Variants in PTPRM observed in about 807,000 individuals in gnomAD.
PTPRM encodes the protein receptor-type tyrosine-protein phosphatase mu.
PTPRM carries 47 observed loss-of-function variants against 186.7 expected under a neutral mutation model. That is an observed-to-expected ratio of 0.25 (90% CI 0.20 to 0.32). The LOEUF (loss-of-function observed/expected upper bound fraction) is 0.32, where lower values mean the gene tolerates loss of function less well. Among genes scored for constraint, PTPRM ranks in the 10% least tolerant of loss-of-function variants. The pLI, the probability that PTPRM is intolerant of heterozygous loss-of-function variation, is 1.00. For missense variants in PTPRM, 1,494 were observed against 1,865.0 expected, an observed-to-expected ratio of 0.80 and a Z score of 3.66; for synonymous variants, 668 against 674.9, an observed-to-expected ratio of 0.99 and a Z score of 0.16.
At chr18:7,828,824 G>A (rs1037007098) in intron 2 of PTPRM, among the ~76,000 whole-genome samples, 4 of 152,112 alleles carry the variant, frequency 2.6e-5, no homozygotes, top group African/African-American at 9.7e-5. Flanking sequence ...TATATTTAGT[G>A]TTCTTGTAAA....
intron 1 of PTPRM, among the ~76,000 whole-genome samples, chr18:7,688,901 G>A (rs2039671063): frequency 6.6e-6 from 1 of 152,158 alleles, no homozygotes; most frequent in African/African-American, 2.4e-5. Flanking sequence ...TGCCTCTCTA[G>A]TGCTGGAAGA....
intron 14 of PTPRM, among the ~76,000 whole-genome samples, chr18:8,238,758 G>T (rs1202315678): frequency 3.4e-5 from 5 of 147,748 alleles, no homozygotes; most frequent in African/African-American, 1.2e-4. Context: ...TGTAAGGTGT[G>T]GGGGGAGGGG....
intron 14 of PTPRM, among the ~76,000 whole-genome samples, chr18:8,189,693 A>T (rs1204508629): frequency 6.6e-6 from 1 of 152,180 alleles, no homozygotes; most frequent in Non-Finnish European, 1.5e-5. Flanking sequence ...CACTGCCCAC[A>T]GGTCTCCCTC....
At chr18:7,925,294 T>C (rs370644098) in intron 4 of PTPRM, among the ~76,000 whole-genome samples, 21 of 152,318 alleles carry the variant, frequency 1.4e-4, no homozygotes, top group African/African-American at 4.8e-4. Context: ...GGTCCATGGT[T>C]ATATTGCTTT....
chr18:8,206,266 T>TTATTG (rs1260339250), intron 14 of PTPRM, among the ~76,000 whole-genome samples: 1 of 151,260 alleles, frequency 6.6e-6, no homozygotes, highest in African/African-American at 2.5e-5. Flanking sequence ...TTATTTTATT[T>TTATTG]TATTTTGAGA....
At chr18:8,210,840 A>G (rs1480717106) in intron 14 of PTPRM, among the ~76,000 whole-genome samples, 1 of 152,234 alleles carries the variant, frequency 6.6e-6, no homozygotes, top group Non-Finnish European at 1.5e-5. Context: ...AACTGAAGGC[A>G]TTGCCAGTGG....
intron 1 of PTPRM, among the ~76,000 whole-genome samples, chr18:7,681,786 T>A (rs567943709): frequency 6.6e-6 from 1 of 152,288 alleles, no homozygotes; most frequent in Admixed American, 6.5e-5. Flanking sequence ...GTATCAAAAA[T>A]GTGGTCTTCT....
At chr18:7,757,146 C>T (rs577492658) in intron 1 of PTPRM, among the ~76,000 whole-genome samples, 1 of 152,344 alleles carries the variant, frequency 6.6e-6, no homozygotes, top group African/African-American at 2.4e-5. Context: ...AATGCCTTCT[C>T]CCCTGTGAAT....
chr18:7,627,743 T>G (rs539585762), intron 1 of PTPRM, among the ~76,000 whole-genome samples: 1 of 152,306 alleles, frequency 6.6e-6, no homozygotes, highest in South Asian at 2.1e-4. Context: ...AGACAGGGAA[T>G]TTTTGTAGTG....
intron 1 of PTPRM, among the ~76,000 whole-genome samples, chr18:7,752,654 G>C (rs745757034): frequency 2.6e-5 from 4 of 151,852 alleles, no homozygotes; most frequent in African/African-American, 7.3e-5. Context: ...TGTTGTCCAG[G>C]CTGGTCTTGA....
intron 2 of PTPRM, chr18:7,814,931 A>G (rs1272955507): frequency 6.6e-6 from 1 of 152,218 alleles, no homozygotes; most frequent in African/African-American, 2.4e-5. Flanking sequence ...AATCTTGAGA[A>G]AGTTACATTT....
chr18:7,685,333 A>G (rs7240068), intron 1 of PTPRM, among the ~76,000 whole-genome samples: 27,050 of 152,076 alleles, frequency 0.18, 3,697 homozygotes, highest in African/African-American at 0.39. Context: ...GGATTTGTGG[A>G]AAGAAATTTT....
At chr18:7,726,660 AAT>A (rs2040555782) in intron 1 of PTPRM, among the ~76,000 whole-genome samples, 1 of 152,200 alleles carries the variant, frequency 6.6e-6, no homozygotes, top group Admixed American at 6.5e-5. Context: ...CAAGAGTGAG[AAT>A]GACCATTCTT....
chr18:8,398,898 G>T (rs539177265), intron 32 of PTPRM, among the ~76,000 whole-genome samples: 1 of 152,294 alleles, frequency 6.6e-6, no homozygotes, highest in South Asian at 2.1e-4. Context: ...TGAGGGCTGG[G>T]GGAGGGAGAT....
At chr18:8,389,901 G>A (rs1254202094) in intron 31 of PTPRM, among the ~76,000 whole-genome samples, 3 of 152,124 alleles carry the variant, frequency 2.0e-5, no homozygotes, top group Admixed American at 2.0e-4. Flanking sequence ...ATGGTTCCTT[G>A]AGCCACAGAT....
intron 14 of PTPRM, among the ~76,000 whole-genome samples, chr18:8,207,992 T>A (rs896163211): frequency 1.3e-5 from 2 of 152,186 alleles, no homozygotes; most frequent in African/African-American, 4.8e-5. Context: ...CCATATTTTT[T>A]AAAAAAGAAA....
chr18:8,015,231 G>A (rs958008687), intron 7 of PTPRM, among the ~76,000 whole-genome samples: 11 of 152,124 alleles, frequency 7.2e-5, no homozygotes, highest in African/African-American at 2.7e-4. Flanking sequence ...AAACAAAATT[G>A]CTCCACATGC....
chr18:7,631,009 G>C (rs2144076463), intron 1 of PTPRM, among the ~76,000 whole-genome samples: 1 of 152,256 alleles, frequency 6.6e-6, no homozygotes, highest in Admixed American at 6.5e-5. Flanking sequence ...CTTTAATTGA[G>C]TATCAAATTA....
chr18:8,099,209 C>T (rs989270218), intron 11 of PTPRM, among the ~76,000 whole-genome samples: 8 of 151,814 alleles, frequency 5.3e-5, no homozygotes, highest in African/African-American at 1.9e-4. Flanking sequence ...AGCTATGGCC[C>T]AGATGTCACC....
Sources: allele counts gnomAD v4.1 joint callset (sites outside exome capture counted in the v4.1 genomes callset), GRCh38; gene constraint gnomAD v4.1.1; transcripts MANE v1.5; gene names NCBI Gene and HGNC (gene_info 2026-07-23, HGNC 2026-07-21).